The following MAF variants were observed in gnomAD, a reference collection of about 807,000 sequenced individuals.
The protein encoded by MAF is MAF bZIP transcription factor, also known as transcription factor Maf.
In MAF, 10 loss-of-function variants were observed where a neutral mutation model predicts 22.0. The observed-to-expected ratio is 0.45, with a 90% CI of 0.28 to 0.77. The LOEUF (loss-of-function observed/expected upper bound fraction) is 0.77. Ranked by LOEUF, MAF falls within the 30% of genes least tolerant of loss-of-function variation. The probability of loss-of-function intolerance (pLI) is 0.12; values close to 1 mark genes in which losing one functional copy is unlikely to be tolerated. For synonymous variants in MAF, 337 were observed against 255.8 expected (o/e 1.32, Z -3.03); for missense variants, 544 against 548.4 (o/e 0.99, Z 0.08).
the MAF span, among the ~76,000 whole-genome samples, chr16:79,377,161 T>A: frequency 6.6e-6 from 1 of 152,210 alleles, no homozygotes; most frequent in South Asian, 2.1e-4. Context: ...GTGTTCCTAT[T>A]TCTCCACATC....
the MAF span, among the ~76,000 whole-genome samples, chr16:79,222,302 C>T: frequency 6.6e-6 from 1 of 152,122 alleles, no homozygotes; most frequent in South Asian, 2.1e-4. Context: ...GATTTTATCA[C>T]CACCAGGCCT....
At chr16:79,406,339 G>A in the MAF span, among the ~76,000 whole-genome samples, 3 of 152,182 alleles carry the variant, frequency 2.0e-5, no homozygotes, top group Non-Finnish European at 4.4e-5. Flanking sequence ...TCTTTGGGCT[G>A]CTATACCAGG....
the MAF span, among the ~76,000 whole-genome samples, chr16:79,472,373 T>C: frequency 6.6e-6 from 1 of 152,192 alleles, no homozygotes; most frequent in East Asian, 1.9e-4. Flanking sequence ...ATATCCCGAA[T>C]GTCCATCAAC....
the MAF span, among the ~76,000 whole-genome samples, chr16:79,348,907 G>C: frequency 6.6e-6 from 1 of 152,184 alleles, no homozygotes; most frequent in Non-Finnish European, 1.5e-5. Context: ...CGGTGACCCA[G>C]CTGGTTGACC....
At chr16:79,569,464 G>C in the MAF span, among the ~76,000 whole-genome samples, 85 of 152,324 alleles carry the variant, frequency 5.6e-4, no homozygotes, top group African/African-American at 2.0e-3. Context: ...TCCTGCTTTA[G>C]TTACTGAAGG....
chr16:79,227,280 G>A, the MAF span, among the ~76,000 whole-genome samples: 3 of 152,184 alleles, frequency 2.0e-5, no homozygotes, highest in South Asian at 6.2e-4. Flanking sequence ...GGGCCTGGGA[G>A]GTCAAGACTG....
intron 1 of MAF, chr16:79,595,849 T>C (rs1434461539): frequency 2.8e-6 from 3 of 1,058,406 alleles, no homozygotes; most frequent in Admixed American, 5.4e-5. Context: ...TTAAACCAGA[T>C]ATGTACTTGG....
the MAF span, among the ~76,000 whole-genome samples, chr16:79,571,546 T>TA: frequency 2.9e-5 from 4 of 140,104 alleles, no homozygotes; most frequent in African/African-American, 1.0e-4. Flanking sequence ...TTTTTTTTTT[T>TA]TTTTTTTTAC....
the MAF span, among the ~76,000 whole-genome samples, chr16:79,538,477 A>C: frequency 4.6e-5 from 7 of 152,244 alleles, no homozygotes; most frequent in Non-Finnish European, 8.8e-5. Flanking sequence ...GGGAAGAATT[A>C]ACTGATGCTT....
the MAF span, among the ~76,000 whole-genome samples, chr16:79,249,224 A>C: frequency 6.6e-6 from 1 of 152,156 alleles, no homozygotes. Flanking sequence ...GTTCGAGACC[A>C]GCCTGACCAA....
chr16:79,484,656 C>A, the MAF span, among the ~76,000 whole-genome samples: 1 of 152,282 alleles, frequency 6.6e-6, no homozygotes, highest in South Asian at 2.1e-4. Context: ...TGATACCCCT[C>A]GTTGGTCCAG....
chr16:79,340,704 G>A, the MAF span, among the ~76,000 whole-genome samples: 1 of 151,896 alleles, frequency 6.6e-6, no homozygotes, highest in Non-Finnish European at 1.5e-5. Flanking sequence ...ATTGTAGGGT[G>A]GGGAGCAGCA....
At chr16:79,418,523 C>T in the MAF span, among the ~76,000 whole-genome samples, 1 of 151,992 alleles carries the variant, frequency 6.6e-6, no homozygotes, top group Non-Finnish European at 1.5e-5. Context: ...GAGGCAGCCC[C>T]GTGGTGAGGG....
At chr16:79,434,737 G>T in the MAF span, among the ~76,000 whole-genome samples, 1 of 151,838 alleles carries the variant, frequency 6.6e-6, no homozygotes. Flanking sequence ...TCCTATTAAA[G>T]ATTATATGAT....
chr16:79,332,832 C>T, the MAF span, among the ~76,000 whole-genome samples: 1 of 152,204 alleles, frequency 6.6e-6, no homozygotes, highest in African/African-American at 2.4e-5. Flanking sequence ...AAAGCCAGCA[C>T]TATTTCTACT....
the MAF span, among the ~76,000 whole-genome samples, chr16:79,325,598 AACACAC>A: frequency 6.8e-4 from 99 of 145,624 alleles, no homozygotes; most frequent in African/African-American, 9.0e-4. Context: ...CCCAGACACA[AACACAC>A]ACACACACAC....
the MAF span, among the ~76,000 whole-genome samples, chr16:79,214,508 C>A: frequency 2.0e-5 from 3 of 152,180 alleles, no homozygotes; most frequent in East Asian, 1.9e-4. Context: ...CAGGTTCACG[C>A]GATTCTCCTG....
At chr16:79,231,850 C>T in the MAF span, among the ~76,000 whole-genome samples, 1 of 151,978 alleles carries the variant, frequency 6.6e-6, no homozygotes, top group Non-Finnish European at 1.5e-5. Context: ...TTATACAACT[C>T]ACTATAATGT....
the MAF span, among the ~76,000 whole-genome samples, chr16:79,250,999 G>T: frequency 8.1e-4 from 124 of 152,306 alleles, 1 homozygote; most frequent in South Asian, 2.3e-3. Flanking sequence ...GAGTTGTTAA[G>T]TGCTTAGCAC....
Sources: gnomAD v4.1 joint callset for allele counts (sites outside exome capture counted in the v4.1 genomes callset) on GRCh38, gnomAD v4.1.1 for gene constraint, MANE v1.5 for transcripts, NCBI Gene and HGNC (gene_info 2026-07-23, HGNC 2026-07-21) for gene names.